The following GRM3 variants were observed in gnomAD, a reference collection of about 807,000 sequenced individuals.
GRM3 encodes glutamate metabotropic receptor 3.
GRM3 carries 26 observed loss-of-function variants against 70.5 expected under a neutral mutation model. The ratio of observed to expected loss-of-function variants is 0.37; its 90% confidence interval spans 0.27 to 0.51. GRM3 has a LOEUF of 0.51. GRM3 is among the 20% of genes least tolerant of loss of function. The pLI, the probability that GRM3 is intolerant of heterozygous loss-of-function variation, is 0.93. For missense variants in GRM3, 859 were observed against 1,123.8 expected, an observed-to-expected ratio of 0.76 and a Z score of 3.37; for synonymous variants, 443 against 434.9, an observed-to-expected ratio of 1.02 and a Z score of -0.23.
intron 3 of GRM3, among the ~76,000 whole-genome samples, chr7:86,787,640 T>C (rs1404920086): frequency 6.6e-6 from 1 of 152,188 alleles, no homozygotes; most frequent in Non-Finnish European, 1.5e-5. Context: ...ACCCTAGTGA[T>C]TTCTAGGCAT....
intron 2 of GRM3, among the ~76,000 whole-genome samples, chr7:86,783,000 A>G (rs567825667): frequency 3.9e-5 from 6 of 152,242 alleles, no homozygotes; most frequent in Admixed American, 3.3e-4. Flanking sequence ...TTCTTTTATC[A>G]TTCAAAATGA....
intron 1 of GRM3, among the ~76,000 whole-genome samples, chr7:86,679,407 A>C (rs1308221919): frequency 1.3e-5 from 2 of 152,074 alleles, no homozygotes; most frequent in Non-Finnish European, 2.9e-5. Flanking sequence ...CTGTGGGGAA[A>C]AAAGACCTAT....
At chr7:86,694,525 A>AAAAGAAAAGAAAG (rs1201523123) in intron 1 of GRM3, among the ~76,000 whole-genome samples, 4 of 143,870 alleles carry the variant, frequency 2.8e-5, no homozygotes, top group Admixed American at 2.7e-4. Flanking sequence ...AAAAAAAAAA[A>AAAAGAAAAGAAAG]AAAGAAAAGA....
At chr7:86,802,834 G>A (rs758190918) in intron 3 of GRM3, among the ~76,000 whole-genome samples, 4 of 152,146 alleles carry the variant, frequency 2.6e-5, no homozygotes, top group Non-Finnish European at 4.4e-5. Flanking sequence ...AGCTTTTCCT[G>A]TTGAATTCAT....
intron 2 of GRM3, among the ~76,000 whole-genome samples, chr7:86,783,264 T>C (rs970499129): frequency 1.3e-5 from 2 of 152,208 alleles, no homozygotes; most frequent in African/African-American, 4.8e-5. Context: ...TCTACCTGGA[T>C]GCCTTTCTGT....
At chr7:86,706,766 A>AT (rs376822171) in intron 1 of GRM3, among the ~76,000 whole-genome samples, 12 of 151,678 alleles carry the variant, frequency 7.9e-5, no homozygotes, top group East Asian at 3.9e-4. Flanking sequence ...AAATGGGTTG[A>AT]TTTTTTTTTA....
chr7:86,737,837 A>T (rs745583354), intron 1 of GRM3, among the ~76,000 whole-genome samples: 26 of 152,242 alleles, frequency 1.7e-4, no homozygotes, highest in Non-Finnish European at 2.6e-4. Context: ...TGGCAAATTC[A>T]TAATGAAACA....
At chr7:86,782,862 T>TAA (rs1328290333) in intron 2 of GRM3, among the ~76,000 whole-genome samples, 2 of 152,220 alleles carry the variant, frequency 1.3e-5, no homozygotes, top group Admixed American at 6.5e-5. Context: ...ATATCTCTTT[T>TAA]AAAGTATTTT....
At chr7:86,837,873 A>T (rs1479085942) in intron 3 of GRM3, among the ~76,000 whole-genome samples, 1 of 152,216 alleles carries the variant, frequency 6.6e-6, no homozygotes, top group East Asian at 1.9e-4. Context: ...TTGTCTTCTA[A>T]TTCTAAGAAA....
At chr7:86,854,889 A>T (rs2115584445) in intron 5 of GRM3, among the ~76,000 whole-genome samples, 1 of 152,308 alleles carries the variant, frequency 6.6e-6, no homozygotes. Context: ...TTGCTTCATA[A>T]TACCAGTGGC....
At chr7:86,662,034 T>C (rs1451488533) in intron 1 of GRM3, among the ~76,000 whole-genome samples, 1 of 151,952 alleles carries the variant, frequency 6.6e-6, no homozygotes. Flanking sequence ...GTTAAAAAAA[T>C]ATTAGTTGCA....
chr7:86,724,046 T>C (rs956639080), intron 1 of GRM3, among the ~76,000 whole-genome samples: 1 of 152,188 alleles, frequency 6.6e-6, no homozygotes, highest in Non-Finnish European at 1.5e-5. Context: ...GAGGTGTTTT[T>C]GTCACCATTT....
intron 1 of GRM3, among the ~76,000 whole-genome samples, chr7:86,692,808 A>G (rs1794725581): frequency 6.6e-6 from 1 of 152,216 alleles, no homozygotes; most frequent in Non-Finnish European, 1.5e-5. Context: ...TTGTTTTCTT[A>G]AAATAGTTTC....
At position 86,786,899 on chromosome 7, in the gene GRM3, C is replaced by T. The variant is rs142449706; in HGVS notation, c.1107C>T (p.His369=). ...GCAGCCTCCAGAACAAACGCAACCA[C>T]AGGCGCGTCTGCGACAAGCACCTGG... The part of the protein sequence containing the change: ...FQCSLQNKRN[H]RRVCDKHLAI... The change falls in exon 3 of 6, where the codon CAC becomes CAT. Residue 369 remains histidine, a synonymous_variant. Transcript: ENST00000361669. The surrounding 1 kb of genome is among the most constrained non-coding windows in gnomAD (Gnocchi z 6.0). 49 of 1,614,178 alleles carry T rather than the reference C, an allele frequency of 3.0e-5. No individual in the cohort carries two copies. In the African/African-American group the frequency reaches 6.4e-4, roughly 21 times the overall value.
intron 3 of GRM3, among the ~76,000 whole-genome samples, chr7:86,793,420 C>T (rs1043025373): frequency 6.6e-6 from 1 of 152,136 alleles, no homozygotes; most frequent in African/African-American, 2.4e-5. Context: ...CTTTGAAGTC[C>T]CTGAAAGAGC....
At chr7:86,655,144 G>C (rs1793702744) in intron 1 of GRM3, among the ~76,000 whole-genome samples, 1 of 152,136 alleles carries the variant, frequency 6.6e-6, no homozygotes, top group Non-Finnish European at 1.5e-5. Flanking sequence ...TGAATATCTA[G>C]TCTACCCAGA....
intron 1 of GRM3, among the ~76,000 whole-genome samples, chr7:86,751,433 C>A (rs1359512978): frequency 1.3e-5 from 2 of 152,078 alleles, no homozygotes; most frequent in Admixed American, 6.6e-5. Context: ...ATCTTTAGAA[C>A]CTACCACAGG....
chr7:86,822,615 G>A (rs181350994), intron 3 of GRM3, among the ~76,000 whole-genome samples: 6 of 152,282 alleles, frequency 3.9e-5, no homozygotes, highest in Admixed American at 2.0e-4. Flanking sequence ...GGGATAGAGC[G>A]AGAGATATGA....
intron 1 of GRM3, among the ~76,000 whole-genome samples, chr7:86,655,665 T>G (rs762115435): frequency 4.6e-5 from 7 of 152,166 alleles, no homozygotes; most frequent in African/African-American, 1.7e-4. Flanking sequence ...AAAAGTCTTA[T>G]GGGTTTCATC....
Sources: gnomAD v4.1 joint callset for allele counts (sites outside exome capture counted in the v4.1 genomes callset) on GRCh38, gnomAD v4.1.1 for gene constraint, Gnocchi (gnomAD v3.1) non-coding constraint, MANE v1.5 for transcripts, NCBI Gene and HGNC (gene_info 2026-07-23, HGNC 2026-07-21) for gene names.